Variants in ZDHHC15 observed in about 807,000 individuals in gnomAD.
ZDHHC15 encodes palmitoyltransferase ZDHHC15.
Under a neutral mutation model 31.7 loss-of-function variants are expected in ZDHHC15, and 19 were observed. That is an observed-to-expected ratio of 0.60 (90% CI 0.42 to 0.88). The LOEUF (loss-of-function observed/expected upper bound fraction) is 0.88. Among genes scored for constraint, ZDHHC15 ranks in the 40% least tolerant of loss-of-function variants. The probability of loss-of-function intolerance (pLI) is 0.00; values close to 1 mark genes in which losing one functional copy is unlikely to be tolerated. For missense variants in ZDHHC15, 209 were observed against 251.2 expected (o/e 0.83, Z 1.14); for synonymous variants, 103 against 90.0 (o/e 1.14, Z -0.82).
chrX:75,521,259 G>A (rs1330244899), intron 1 of ZDHHC15, among the ~76,000 whole-genome samples: 1 of 110,990 alleles, frequency 9.0e-6, no homozygotes, highest in Non-Finnish European at 1.9e-5. Flanking sequence ...TGGAATTACA[G>A]TGTCGAAGTG....
intron 3 of ZDHHC15, among the ~76,000 whole-genome samples, chrX:75,459,014 AC>A (rs1380528270): frequency 2.5e-3 from 226 of 89,684 alleles, no homozygotes; most frequent in Non-Finnish European, 3.9e-3. Context: ...AAAAAAAACA[AC>A]CCCCAGCCAA....
intron 8 of ZDHHC15, among the ~76,000 whole-genome samples, chrX:75,422,292 T>G (rs1179938155): frequency 8.9e-6 from 1 of 111,937 alleles, no homozygotes; most frequent in Non-Finnish European, 1.9e-5. Flanking sequence ...GTATGTATTT[T>G]GTACTGCTGA....
chrX:75,398,687 C>A (rs1282336197), intron 10 of ZDHHC15, among the ~76,000 whole-genome samples: 1 of 110,270 alleles, frequency 9.1e-6, no homozygotes, highest in Non-Finnish European at 1.9e-5. Flanking sequence ...TATCCCCACC[C>A]AAGCTCTCCA....
intron 4 of ZDHHC15, among the ~76,000 whole-genome samples, chrX:75,444,673 TATATATATATATATAC>T (rs1298510597): frequency 1.8e-4 from 8 of 44,078 alleles, no homozygotes; most frequent in South Asian, 1.4e-3. Flanking sequence ...TATATATATA[TATATATATATATATAC>T]ACACACACAC....
chrX:75,510,143 C>T (rs2085238180), intron 1 of ZDHHC15, among the ~76,000 whole-genome samples: 1 of 111,256 alleles, frequency 9.0e-6, no homozygotes, highest in African/African-American at 3.3e-5. Context: ...TAAGGCAGTC[C>T]CTCTCAAACC....
chrX:75,510,114 C>G (rs183170048), intron 1 of ZDHHC15, among the ~76,000 whole-genome samples: 1 of 111,602 alleles, frequency 9.0e-6, no homozygotes, highest in Non-Finnish European at 1.9e-5. Flanking sequence ...GTTACTCACA[C>G]CAGCCATTCA....
Position 75,421,917 on chromosome X carries a change from G to A in ZDHHC15, c.810C>T (p.Ile270=). Residue 270 remains isoleucine, a synonymous_variant, in exon 9 of 12, where the codon ATC becomes ATT. Coordinates refer to ENST00000373367, the MANE Select transcript of ZDHHC15 (RefSeq NM_144969.3). ...TCTTCTTATCTCCAAACACCTGCTG[G>A]ATATTCTTGATGAAGCCAAGGTTGA... ...NGFNLGFIKN[I]QQVFGDKKKF... 1.7e-6 allele frequency: 2 copies of A among 1,210,089 alleles called. No homozygotes were observed. Among genetic ancestry groups the A allele is most frequent in the Non-Finnish European group, 2.2e-6 (2 of 894,567 alleles).
At chrX:75,453,967 G>T (rs2084171338) in intron 3 of ZDHHC15, among the ~76,000 whole-genome samples, 1 of 111,512 alleles carries the variant, frequency 9.0e-6, no homozygotes, top group Non-Finnish European at 1.9e-5. Flanking sequence ...CACTCCCTTT[G>T]AAAACTGGCA....
chrX:75,468,217 G>C (rs2084443652), intron 3 of ZDHHC15, among the ~76,000 whole-genome samples: 1 of 109,864 alleles, frequency 9.1e-6, no homozygotes, highest in Non-Finnish European at 1.9e-5. Context: ...GGCTAATTTT[G>C]TATTTTTAGT....
chrX:75,462,540 G>A (rs779108146), intron 3 of ZDHHC15, among the ~76,000 whole-genome samples: 1 of 112,256 alleles, frequency 8.9e-6, no homozygotes, highest in South Asian at 3.6e-4. Flanking sequence ...ACACTCCTCA[G>A]CAAATGCATA....
At chrX:75,503,148 TAA>T (rs746273466) in intron 2 of ZDHHC15, among the ~76,000 whole-genome samples, 25 of 110,014 alleles carry the variant, frequency 2.3e-4, no homozygotes, top group Non-Finnish European at 4.8e-4. Flanking sequence ...AATTAAAAAA[TAA>T]AAAAAGAGTA....
intron 3 of ZDHHC15, among the ~76,000 whole-genome samples, chrX:75,468,049 T>C (rs2084437818): frequency 9.3e-6 from 1 of 107,590 alleles, no homozygotes; most frequent in Admixed American, 1.0e-4. Context: ...TAATTTTTTT[T>C]TTTTTTTTTT....
intron 10 of ZDHHC15, among the ~76,000 whole-genome samples, chrX:75,414,972 C>A (rs1228868509): frequency 9.5e-6 from 1 of 105,805 alleles, no homozygotes; most frequent in Non-Finnish European, 1.9e-5. Flanking sequence ...TGCGGTTTTG[C>A]CATGTTGGCC....
chrX:75,404,134 C>G (rs1010072342), intron 10 of ZDHHC15, among the ~76,000 whole-genome samples: 1 of 111,647 alleles, frequency 9.0e-6, no homozygotes, highest in Non-Finnish European at 1.9e-5. Context: ...GGAAAAGACT[C>G]CCTATTCAAT....
chrX:75,490,830 T>A (rs947401048), intron 2 of ZDHHC15, among the ~76,000 whole-genome samples: 1 of 111,907 alleles, frequency 8.9e-6, no homozygotes, highest in Non-Finnish European at 1.9e-5. Flanking sequence ...GTGATTTTTG[T>A]ACATTGATTT....
At chrX:75,437,554 G>C (rs2083878410) in intron 4 of ZDHHC15, among the ~76,000 whole-genome samples, 1 of 97,944 alleles carries the variant, frequency 1.0e-5, no homozygotes, top group Non-Finnish European at 2.0e-5. Context: ...TTTTGTTCTT[G>C]CGATAGTTTA....
chrX:75,454,810 G>A (rs1346832890), intron 3 of ZDHHC15, among the ~76,000 whole-genome samples: 1 of 111,270 alleles, frequency 9.0e-6, no homozygotes, highest in African/African-American at 3.3e-5. Flanking sequence ...CAACTTACAA[G>A]GGATGTGAAG....
chrX:75,456,938 C>T (rs753452354), intron 3 of ZDHHC15, among the ~76,000 whole-genome samples: 25 of 111,522 alleles, frequency 2.2e-4, no homozygotes, highest in African/African-American at 8.1e-4. Flanking sequence ...TTTCTCCAAG[C>T]TTTAATTTCC....
rs141436932 is a variant in ZDHHC15, at chrX:75,451,420, T to A, written c.259-498A>T. Among the ~76,000 whole-genome samples, 1,092 of 112,511 alleles carry A rather than the reference T, an allele frequency of 9.7e-3. 15 individuals are homozygous for A. The highest frequency in any genetic ancestry group is 0.032 in the African/African-American group (994 of 31,094). On this transcript the variant is annotated intron_variant, in intron 3 of 11. Transcript: ENST00000373367. ...TAACATTGTCTGCATATTCTAATCT[T>A]GTAAATAAGGGGAAATTTAGATATT...
Sources: gnomAD v4.1 joint callset for allele counts (sites outside exome capture counted in the v4.1 genomes callset) on GRCh38, gnomAD v4.1.1 for gene constraint, MANE v1.5 for transcripts, NCBI Gene and HGNC (gene_info 2026-07-23, HGNC 2026-07-21) for gene names.